PRKCZ: variants seen among roughly 807,000 people sequenced by gnomAD.
PRKCZ encodes the protein protein kinase C zeta, also known as protein kinase C zeta type.
A neutral mutation model predicts 79.5 loss-of-function variants in PRKCZ; 33 were observed. The observed-to-expected ratio is 0.41, with a 90% CI of 0.31 to 0.55. PRKCZ has a LOEUF of 0.55. Among genes scored for constraint, PRKCZ ranks in the 20% least tolerant of loss-of-function variants. The probability of loss-of-function intolerance (pLI) is 0.19; values close to 1 mark genes in which losing one functional copy is unlikely to be tolerated. For synonymous variants in PRKCZ, 342 were observed against 320.9 expected (o/e 1.07, Z -0.70); for missense variants, 578 against 813.5 (o/e 0.71, Z 3.52).
In PRKCZ at chr1:2,050,602, A is replaced by C; in HGVS notation, c.-29A>C. On this transcript the variant is annotated 5_prime_UTR_variant, in exon 1 of 18. Transcript: ENST00000378567. ...GCCATGGCCGGAGCTCCCGGGGCGC[A>C]GCGCTGACGGCGGCGGGGGGAGCGC... 1 of 1,210,212 alleles carries C rather than the reference A, an allele frequency of 8.3e-7. No homozygotes were observed. The highest frequency in any genetic ancestry group is 1.0e-6 in the Non-Finnish European group (1 of 971,512). 75.0% of individuals were successfully genotyped at this position (1,210,212 alleles called of 1,614,324 possible).
rs945653335 is a variant in PRKCZ at position 2,128,057 on chromosome 1, A to C, written c.335-7205A>C. ...ATCTAGTGGAAATCGCTGCCCAGGGAAGAAGCTCCGGAGTCTAGAGGTGGC... is the reference window on the plus strand; with the variant it reads ...ATCTAGTGGAAATCGCTGCCCAGGGCAGAAGCTCCGGAGTCTAGAGGTGGC... On this transcript the variant is annotated intron_variant, in intron 4 of 17. Coordinates refer to ENST00000378567, the MANE Select transcript of PRKCZ (RefSeq NM_002744.6). This position sits in a 1 kb window ranked among gnomAD's most constrained non-coding sequence, Gnocchi z 6.5. 5.9e-5 allele frequency among the ~76,000 whole-genome samples: 9 copies of C among 152,152 alleles called. No individual in the cohort carries two copies. Among genetic ancestry groups the C allele is most frequent in the African/African-American group, 2.2e-4 (9 of 41,436 alleles).
chr1:2,114,630 C>T (rs1296315507), intron 4 of PRKCZ, among the ~76,000 whole-genome samples: 1 of 152,002 alleles, frequency 6.6e-6, no homozygotes, highest in African/African-American at 2.4e-5. Flanking sequence ...AAAAATTAGC[C>T]GAGTGTGGTG....
At chr1:2,122,069 CACG>C (rs1233437380) in intron 4 of PRKCZ, among the ~76,000 whole-genome samples, 1 of 73,130 alleles carries the variant, frequency 1.4e-5, no homozygotes, top group African/African-American at 7.4e-5. Flanking sequence ...TGGTTAGGGT[CACG>C]GTGGTAGTTA....
chr1:2,095,914 TCTCCC>T (rs1175318590), intron 4 of PRKCZ, among the ~76,000 whole-genome samples: 1 of 76,670 alleles, frequency 1.3e-5, no homozygotes, highest in Non-Finnish European at 2.4e-5. Flanking sequence ...TCTCCCCTCC[TCTCCC>T]CTCCCTTCCC....
At chr1:2,151,425 A>G (rs773726325) in intron 9 of PRKCZ, among the ~76,000 whole-genome samples, 1 of 152,220 alleles carries the variant, frequency 6.6e-6, no homozygotes, top group Non-Finnish European at 1.5e-5. Context: ...CTTCCAGCAG[A>G]CTGCGGTTGA....
rs1666182929 is a variant in PRKCZ, at chr1:2,094,852, C to T, written c.334+35261C>T. 6.6e-6 allele frequency among the ~76,000 whole-genome samples: 1 copy of T among 152,202 alleles called. No homozygotes were observed. The highest frequency in any genetic ancestry group is 1.5e-5 in the Non-Finnish European group (1 of 68,036). On this transcript the variant is annotated intron_variant, in intron 4 of 17. Coordinates refer to ENST00000378567, the MANE Select transcript of PRKCZ (RefSeq NM_002744.6). This position sits in a 1 kb window ranked among gnomAD's most constrained non-coding sequence, Gnocchi z 7.3. Reference sequence around the variant, plus strand: ...TTTGGCCTTGGATTCATTTCTGGAGCTGCAGAGTCACTTCTCTTAGAGCCT... The same window carrying T: ...TTTGGCCTTGGATTCATTTCTGGAGTTGCAGAGTCACTTCTCTTAGAGCCT...
intron 4 of PRKCZ, among the ~76,000 whole-genome samples, chr1:2,066,711 T>C (rs1389170262): frequency 6.6e-6 from 1 of 152,216 alleles, no homozygotes; most frequent in Non-Finnish European, 1.5e-5. Context: ...TTCCTTGAAG[T>C]GTAAAATTCG....
At chr1:2,159,514 C>T (rs528907022) in intron 10 of PRKCZ, among the ~76,000 whole-genome samples, 16 of 152,310 alleles carry the variant, frequency 1.1e-4, no homozygotes, top group African/African-American at 2.9e-4. Context: ...GGAACCTGGC[C>T]GATGAAACTG....
At chr1:2,048,995 G>A (rs539665699), upstream of PRKCZ, among the ~76,000 whole-genome samples, 1 of 152,172 alleles carries the variant, frequency 6.6e-6, no homozygotes, top group Admixed American at 6.5e-5. Context: ...GAAAAACCCC[G>A]TCTCTACTAA....
intron 4 of PRKCZ, among the ~76,000 whole-genome samples, chr1:2,106,896 G>A (rs1190300924): frequency 2.7e-5 from 4 of 146,148 alleles, no homozygotes; most frequent in African/African-American, 7.5e-5. Context: ...ACCAGGCCAG[G>A]TGACTCTCAG....
Position 2,175,217 on chromosome 1 carries a change from C to T in PRKCZ, c.1486-7C>T, listed in dbSNP as rs550837783. ...TGACTTGTCCTTGTTTGAACTCTGA[C>T]CTCCAGGACCCCAAAGAGAGGCTCG... On this transcript the variant is annotated splice_region_variant and splice_polypyrimidine_tract_variant and intron_variant, in intron 15 of 17. Transcript: ENST00000378567. 6 of 1,612,980 alleles carry T rather than the reference C, an allele frequency of 3.7e-6. No homozygotes were observed. Among genetic ancestry groups the T allele is most frequent in the African/African-American group, 2.7e-5 (2 of 74,932 alleles).
chr1:2,135,170 C>T lies in PRKCZ; in HGVS notation c.335-92C>T. The T allele has an allele frequency of 4.4e-6, 5 of 1,128,002 alleles. No individual in the cohort carries two copies. In the South Asian group the frequency reaches 7.2e-5, roughly 16 times the overall value. 69.9% of individuals were successfully genotyped at this position (1,128,002 alleles called of 1,614,324 possible). A position where few individuals can be genotyped will look rare whatever the true frequency, so the allele number is the denominator to read the frequency against. ...CCTGGGAGGACGCTGCGGCCGCCAC[C>T]ACCTGGACGGGAGTGGCCTGTCGCA... On this transcript the variant is annotated intron_variant, in intron 4 of 17. Coordinates refer to ENST00000378567, the MANE Select transcript of PRKCZ (RefSeq NM_002744.6).
chr1:2,060,273 C>A (rs1376570762), intron 4 of PRKCZ, among the ~76,000 whole-genome samples: 1 of 152,208 alleles, frequency 6.6e-6, no homozygotes, highest in East Asian at 1.9e-4. Flanking sequence ...GGGCACGTGG[C>A]TCAGTGCCCT....
At chr1:2,107,912 C>T (rs1394228041) in intron 4 of PRKCZ, among the ~76,000 whole-genome samples, 4 of 148,420 alleles carry the variant, frequency 2.7e-5, no homozygotes, top group Non-Finnish European at 5.9e-5. Context: ...AGGGCAGTGT[C>T]GGGAGCCCCC....
intron 1 of PRKCZ, among the ~76,000 whole-genome samples, chr1:2,053,381 G>A (rs1486728086): frequency 6.6e-6 from 1 of 152,174 alleles, no homozygotes; most frequent in Non-Finnish European, 1.5e-5. Flanking sequence ...TGAAAGGCGT[G>A]AGTCACCGCG....
chr1:2,115,859 G>A (rs1670653969), intron 4 of PRKCZ, among the ~76,000 whole-genome samples: 1 of 152,138 alleles, frequency 6.6e-6, no homozygotes, highest in African/African-American at 2.4e-5. Flanking sequence ...TCACCAACTC[G>A]GACACTCTCC....
At chr1:2,154,630 C>A (rs928587193) in intron 9 of PRKCZ, among the ~76,000 whole-genome samples, 1 of 152,108 alleles carries the variant, frequency 6.6e-6, no homozygotes, top group South Asian at 2.1e-4. Flanking sequence ...CTCCAGAGGT[C>A]GAGGCTGCAG....
intron 4 of PRKCZ, among the ~76,000 whole-genome samples, chr1:2,103,094 G>A (rs1667775925): frequency 6.6e-6 from 1 of 152,160 alleles, no homozygotes; most frequent in Non-Finnish European, 1.5e-5. Context: ...GGTCTGGAAT[G>A]CCCCAAGTGA....
intron 1 of PRKCZ, among the ~76,000 whole-genome samples, chr1:2,052,757 C>A (rs566423297): frequency 6.6e-6 from 1 of 152,292 alleles, no homozygotes; most frequent in South Asian, 2.1e-4. Context: ...AGGATGAGTA[C>A]TGGGTTATTG....
Sources: gnomAD v4.1 joint callset for allele counts (sites outside exome capture counted in the v4.1 genomes callset) on GRCh38, gnomAD v4.1.1 for gene constraint, Gnocchi (gnomAD v3.1) non-coding constraint, MANE v1.5 for transcripts, NCBI Gene and HGNC (gene_info 2026-07-23, HGNC 2026-07-21) for gene names.